SAFB: variants seen among roughly 807,000 people sequenced by gnomAD.
The protein encoded by SAFB is scaffold attachment factor B1.
SAFB carries 15 observed loss-of-function variants against 101.6 expected under a neutral mutation model. The observed-to-expected ratio is 0.15, with a 90% confidence interval of 0.10 to 0.23. The LOEUF is 0.23. Ranked by LOEUF, SAFB falls within the 10% of genes least tolerant of loss-of-function variation. The pLI is 1.00. For missense variants in SAFB, 930 were observed against 1,104.1 expected (o/e 0.84, Z 2.23); for synonymous variants, 449 against 407.5 (o/e 1.10, Z -1.23).
At position 5,623,167 on chromosome 19, in the gene SAFB, G is replaced by T; in HGVS notation, c.-39G>T. ...CTAGGAGCCTGATAAAACCGGCCCGGTTCTGTGGAAAGTGGGCGGCGGAGC... is the reference window on the plus strand; with the variant it reads ...CTAGGAGCCTGATAAAACCGGCCCGTTTCTGTGGAAAGTGGGCGGCGGAGC... On this transcript the variant is annotated 5_prime_UTR_variant, in exon 1 of 21. Coordinates refer to ENST00000588852, the MANE Select transcript of SAFB (RefSeq NM_001201338.2). The T allele has an allele frequency of 1.9e-6, 3 of 1,549,654 alleles. No individual in the cohort carries two copies. Among genetic ancestry groups the T allele is most frequent in the Non-Finnish European group, 2.6e-6 (3 of 1,145,948 alleles).
At chr19:5,636,936 T>A (rs1288978776) in intron 2 of SAFB, among the ~76,000 whole-genome samples, 1 of 151,696 alleles carries the variant, frequency 6.6e-6, no homozygotes, top group African/African-American at 2.4e-5. Context: ...CTCAAACTCC[T>A]GACCTCAAGT....
At chr19:5,660,902 T>G (rs2054184437) in intron 14 of SAFB, among the ~76,000 whole-genome samples, 1 of 150,402 alleles carries the variant, frequency 6.6e-6, no homozygotes, top group Admixed American at 6.6e-5. Flanking sequence ...AGGTTCCAAT[T>G]CACACTCACT....
At chr19:5,631,624 G>T (rs757469571) in intron 2 of SAFB, among the ~76,000 whole-genome samples, 63 of 152,128 alleles carry the variant, frequency 4.1e-4, no homozygotes, top group Non-Finnish European at 4.1e-4. Context: ...TGGAGAAAAT[G>T]ACATCCCTTT....
chr19:5,668,458 T>C lies in SAFB; in HGVS notation c.*167T>C. 1.5e-6 allele frequency: 1 copy of C among 669,496 alleles called. No homozygotes were observed. The highest frequency in any genetic ancestry group is 2.4e-6 in the Non-Finnish European group (1 of 422,114). 41.5% of individuals were successfully genotyped at this position (669,496 alleles called of 1,614,324 possible). The stretch of plus-strand genomic sequence containing the variant: ...GTTTTTTTTTTTTGTAATAAATGTG[T>C]TTCCGTTCACATACCCTTTATTTAA... On this transcript the variant is annotated 3_prime_UTR_variant, in exon 21 of 21. Coordinates refer to ENST00000588852, the MANE Select transcript of SAFB (RefSeq NM_001201338.2).
chr19:5,645,402 A>G lies in SAFB; in HGVS notation c.609+3A>G, dbSNP rs373455700. On this transcript the variant is annotated splice_donor_region_variant and intron_variant, in intron 5 of 20. Coordinates refer to ENST00000588852, the MANE Select transcript of SAFB (RefSeq NM_001201338.2). ...CATCTGACTTCACTATATTACAGGT[A>G]AACTGTTGTATGTCTCAGTACTTTT... 1.7e-5 allele frequency: 23 copies of G among 1,319,384 alleles called. No individual in the cohort carries two copies. Among genetic ancestry groups the G allele is most frequent in the Non-Finnish European group, 2.5e-5 (23 of 913,848 alleles). The allele number at this position is 1,319,384 out of a possible 1,614,324, so 81.7% of individuals were successfully genotyped here. A position where few individuals can be genotyped will look rare whatever the true frequency, so the allele number is the denominator to read the frequency against.
chr19:5,627,850 T>A (rs2053400888), intron 2 of SAFB, among the ~76,000 whole-genome samples: 2 of 152,234 alleles, frequency 1.3e-5, no homozygotes, highest in African/African-American at 4.8e-5. Context: ...TTATGTCATC[T>A]TGCCTTCTGT....
At chr19:5,668,095 G>A in intron 20 of SAFB, 67 bp from the exon 21 acceptor site, 1 of 1,573,626 alleles carries the variant, frequency 6.4e-7, no homozygotes, top group Admixed American at 1.9e-5. Flanking sequence ...CAGGGAAGCT[G>A]TGCAGGCTGG....
intron 2 of SAFB, among the ~76,000 whole-genome samples, chr19:5,636,662 C>T (rs2053602214): frequency 2.0e-5 from 3 of 152,006 alleles, no homozygotes. Context: ...CAGGATGTTA[C>T]ATATTTATCC....
intron 13 of SAFB, among the ~76,000 whole-genome samples, chr19:5,656,844 C>T (rs1001020315): frequency 6.6e-6 from 1 of 152,028 alleles, no homozygotes; most frequent in African/African-American, 2.4e-5. Context: ...GATCTTGGCT[C>T]ACTGCAAGCT....
At chr19:5,659,695 G>GA (rs796338709) in intron 14 of SAFB, among the ~76,000 whole-genome samples, 10,091 of 126,384 alleles carry the variant, frequency 0.08, 1,009 homozygotes, top group African/African-American at 0.25. Flanking sequence ...CCTTTAAAAA[G>GA]AAAAAAAAAA....
chr19:5,641,465 G>A (rs939687959), intron 2 of SAFB, 129 bp from the exon 3 acceptor site: 7 of 732,742 alleles, frequency 9.6e-6, no homozygotes, highest in Non-Finnish European at 1.7e-5. Context: ...TCCTGGATTA[G>A]GAAGTGTTCC....
intron 14 of SAFB, among the ~76,000 whole-genome samples, chr19:5,658,578 G>T (rs2054118557): frequency 6.6e-6 from 1 of 152,180 alleles, no homozygotes; most frequent in East Asian, 1.9e-4. Context: ...GGTGGCTCAA[G>T]CCTGTAATCC....
At chr19:5,655,459 C>CA (rs56999816) in intron 13 of SAFB, among the ~76,000 whole-genome samples, 1,809 of 54,836 alleles carry the variant, frequency 0.033, 36 homozygotes, top group Middle Eastern at 0.047. Flanking sequence ...GACCCCATCT[C>CA]AAAAAAAAAA....
chr19:5,668,433 GT>G lies in SAFB; in HGVS notation c.*154del, dbSNP rs750704334. On this transcript the variant is annotated 3_prime_UTR_variant, in exon 21 of 21. Transcript: ENST00000588852. ...ATGTGAATTTGTTTTTCGTTTTGGG[GT>G]TTTTTTTTTTTGTAATAAATGTGTT... 0.052 allele frequency: 31,661 copies of G among 610,434 alleles called. No homozygotes were observed. The highest frequency in any genetic ancestry group is 0.08 in the South Asian group (2,885 of 36,238). The allele number at this position is 610,434 out of a possible 1,614,324, so 37.8% of individuals were successfully genotyped here. A position where few individuals can be genotyped will look rare whatever the true frequency, so the allele number is the denominator to read the frequency against.
At chr19:5,663,245 C>T (rs576185353) in intron 15 of SAFB, among the ~76,000 whole-genome samples, 7 of 152,192 alleles carry the variant, frequency 4.6e-5, no homozygotes, top group Non-Finnish European at 1.0e-4. Context: ...AGGTGATCCA[C>T]CCACCTTGGC....
At chr19:5,636,730 G>T (rs558885832) in intron 2 of SAFB, among the ~76,000 whole-genome samples, 1 of 151,526 alleles carries the variant, frequency 6.6e-6, no homozygotes, top group Non-Finnish European at 1.5e-5. Context: ...TTTTCTTTGA[G>T]ACAGGGTCTG....
chr19:5,662,306 T>C (rs1312060395), intron 15 of SAFB, among the ~76,000 whole-genome samples: 1 of 152,108 alleles, frequency 6.6e-6, no homozygotes, highest in Non-Finnish European at 1.5e-5. Context: ...AAGACCAGCC[T>C]GGCCAACATG....
In SAFB at chr19:5,623,517, C is replaced by T. The variant is rs1054306094; in HGVS notation, c.189+123C>T. On this transcript the variant is annotated intron_variant, in intron 1 of 20. Transcript: ENST00000588852. ...TCGCGGCCTCGCCGGACCTGGCGCT[C>T]TCGCGTCCCCCGGCTCCTCCGAGGC... 7.8e-6 allele frequency: 6 copies of T among 765,996 alleles called. No homozygotes were observed. The Admixed American group carries it at 1.4e-4, about 18-fold the overall frequency. The allele number at this position is 765,996 out of a possible 1,614,324, so 47.4% of individuals were successfully genotyped here.
rs1278601965 is a variant in SAFB, at chr19:5,623,118, C to T, written c.-88C>T. Reference sequence around the variant, plus strand: ...CGCGCTGGGGCGACTGGAGCGGTTCCCTCGCAGGCGGCGCCATTTTGTGCT... The same window carrying T: ...CGCGCTGGGGCGACTGGAGCGGTTCTCTCGCAGGCGGCGCCATTTTGTGCT... On this transcript the variant is annotated 5_prime_UTR_variant, in exon 1 of 21. Transcript: ENST00000588852. 4.7e-5 allele frequency: 63 copies of T among 1,351,304 alleles called. No individual in the cohort carries two copies. The highest frequency in any genetic ancestry group is 4.7e-5 in the Admixed American group (2 of 42,630). 83.7% of individuals were successfully genotyped at this position (1,351,304 alleles called of 1,614,324 possible).
Sources: gnomAD v4.1 joint callset for allele counts (sites outside exome capture counted in the v4.1 genomes callset) on GRCh38, gnomAD v4.1.1 for gene constraint, MANE v1.5 for transcripts, NCBI Gene and HGNC (gene_info 2026-07-23, HGNC 2026-07-21) for gene names.